ING5: variants seen among roughly 807,000 people sequenced by gnomAD.
ING5 encodes the protein inhibitor of growth family member 5.
Under a neutral mutation model 37.4 loss-of-function variants are expected in ING5, and 17 were observed. That is an observed-to-expected ratio of 0.45 (90% CI 0.31 to 0.68). The LOEUF (loss-of-function observed/expected upper bound fraction) is 0.68, where lower values mean the gene tolerates loss of function less well. Ranked by LOEUF, ING5 falls within the 30% of genes least tolerant of loss-of-function variation. ING5 has a pLI of 0.05. For missense variants in ING5, 233 were observed against 311.9 expected (o/e 0.75, Z 1.91); for synonymous variants, 123 against 116.6 (o/e 1.06, Z -0.36).
chr2:241,721,760 A>T (rs983270201), intron 5 of ING5: 15 of 985,326 alleles, frequency 1.5e-5, no homozygotes, highest in Non-Finnish European at 1.7e-5. Context: ...GCAGCTTGTA[A>T]GTTTATTTGA....
At chr2:241,715,592 C>T (rs751637615) in intron 5 of ING5, among the ~76,000 whole-genome samples, 5 of 145,860 alleles carry the variant, frequency 3.4e-5, no homozygotes, top group Non-Finnish European at 5.9e-5. Context: ...AAGCAATTCT[C>T]TTGCCTCAGC....
At chr2:241,705,837 A>T (rs1575123971) in intron 2 of ING5, among the ~76,000 whole-genome samples, 1 of 152,218 alleles carries the variant, frequency 6.6e-6, no homozygotes, top group Admixed American at 6.5e-5. Context: ...ACACCCTCAC[A>T]TGCCCTCACC....
At chr2:241,693,779 T>C (rs1254488323) in intron 2 of ING5, among the ~76,000 whole-genome samples, 1 of 144,730 alleles carries the variant, frequency 6.9e-6, no homozygotes, top group Non-Finnish European at 1.5e-5. Context: ...TGCCTCAGCC[T>C]CCCGAGTAGC....
intron 2 of ING5, among the ~76,000 whole-genome samples, chr2:241,708,060 G>T (rs1291009102): frequency 2.0e-5 from 3 of 152,092 alleles, no homozygotes; most frequent in African/African-American, 7.2e-5. Context: ...ACCATGCCCA[G>T]CTAATTGTTG....
In ING5 at chr2:241,725,111, A is replaced by T. The variant is rs577036249; in HGVS notation, c.*80A>T. 56 of 1,460,634 alleles carry T rather than the reference A, an allele frequency of 3.8e-5. No homozygotes were observed. The East Asian group carries it at 1.3e-3, about 33-fold the overall frequency. The allele number at this position is 1,460,634 out of a possible 1,614,324, so 90.5% of individuals were successfully genotyped here. A position where few individuals can be genotyped will look rare whatever the true frequency, so the allele number is the denominator to read the frequency against. On this transcript the variant is annotated 3_prime_UTR_variant, in exon 8 of 8. Coordinates refer to ENST00000313552, the MANE Select transcript of ING5 (RefSeq NM_032329.6). ...TCGCAATATTTCCCTTCCTTTTAAA[A>T]CTACCTTGTTCGGTTGATACTTAGT...
intron 2 of ING5, among the ~76,000 whole-genome samples, chr2:241,693,052 A>T (rs2069577891): frequency 6.6e-6 from 1 of 151,962 alleles, no homozygotes; most frequent in Non-Finnish European, 1.5e-5. Context: ...CGAGATCAGG[A>T]GCTCGAGACC....
intron 3 of ING5, among the ~76,000 whole-genome samples, chr2:241,710,906 C>T (rs1421151440): frequency 6.6e-6 from 1 of 151,964 alleles, no homozygotes; most frequent in African/African-American, 2.4e-5. Context: ...AGCCACCGCG[C>T]CTGCCCTAAT....
At chr2:241,696,338 C>T (rs2069629762) in intron 2 of ING5, among the ~76,000 whole-genome samples, 2 of 152,064 alleles carry the variant, frequency 1.3e-5, no homozygotes, top group African/African-American at 4.8e-5. Context: ...TTGCAACAAG[C>T]CGGGATCTCG....
At chr2:241,705,079 G>A (rs111713736) in intron 2 of ING5, among the ~76,000 whole-genome samples, 12,033 of 151,940 alleles carry the variant, frequency 0.079, 1,187 homozygotes, top group African/African-American at 0.23. Context: ...ATTTAACTCC[G>A]TTTCTTTTTT....
exon 2 of ING5, chr2:241,690,114 G>A (rs34343771): frequency 0.63 from 95,407 of 152,036 alleles, 30,139 homozygotes; most frequent in African/African-American, 0.69. Context: ...CCCCTGGGAC[G>A]GGGGAGGAGG....
At position 241,707,158 on chromosome 2, in the gene ING5, C is replaced by T. The variant is rs562955188; in HGVS notation, c.110-2058C>T. Among the ~76,000 whole-genome samples the T allele has an allele frequency of 1.3e-3, 194 of 151,260 alleles. 2 individuals carry two copies. Among genetic ancestry groups the T allele is most frequent in the African/African-American group, 4.4e-3 (182 of 41,220 alleles). ...ATTTTTAATAGAGATGGGGTTTCTC[C>T]ATGTTGATCAGGTTGGTCTCAAACT... On this transcript the variant is annotated intron_variant, in intron 2 of 7. Coordinates refer to ENST00000313552, the MANE Select transcript of ING5 (RefSeq NM_032329.6).
At chr2:241,697,637 T>C (rs1489633120), upstream of ING5, among the ~76,000 whole-genome samples, 1 of 150,774 alleles carries the variant, frequency 6.6e-6, no homozygotes, top group Non-Finnish European at 1.5e-5. Context: ...AAAAGCAAAC[T>C]GGAAACAGTA....
intron 7 of ING5, chr2:241,723,879 G>A: frequency 6.9e-7 from 1 of 1,450,408 alleles, no homozygotes; most frequent in African/African-American, 1.4e-5. Context: ...GCGTGGTGGT[G>A]CGTGCCTGTG....
At chr2:241,712,464 G>C (rs953050000) in intron 5 of ING5, 4 of 171,556 alleles carry the variant, frequency 2.3e-5, no homozygotes, top group African/African-American at 9.5e-5. Context: ...CTGTATATCT[G>C]TCAGTTATTT....
At chr2:241,722,338 G>A (rs774430466) in intron 5 of ING5, 697 of 985,400 alleles carry the variant, frequency 7.1e-4, no homozygotes, top group Middle Eastern at 3.1e-3. Flanking sequence ...GTCCCCGGGG[G>A]AGTCCTGTCT....
intron 7 of ING5, among the ~76,000 whole-genome samples, chr2:241,724,438 C>T (rs1225148826): frequency 2.0e-5 from 3 of 151,982 alleles, no homozygotes; most frequent in Non-Finnish European, 2.9e-5. Flanking sequence ...TGCCGTCATG[C>T]GAGTCGGCTG....
At chr2:241,690,394 A>G (rs1249871541) in exon 2 of ING5, 1 of 387,604 alleles carries the variant, frequency 2.6e-6, no homozygotes, top group Non-Finnish European at 4.6e-6. Context: ...TTAGGCAGGC[A>G]GGAGCTGCTC....
At chr2:241,721,177 G>A (rs2070425637) in intron 5 of ING5, 5 of 985,598 alleles carry the variant, frequency 5.1e-6, no homozygotes, top group African/African-American at 1.7e-5. Flanking sequence ...CGAGGAGACC[G>A]CAGGAGCCCC....
At position 241,729,353 on chromosome 2, in the gene ING5, TTGTAAAGGAAAGA is replaced by T. The variant is rs1446249269; in HGVS notation, c.*4324_*4336del. On this transcript the variant is annotated 3_prime_UTR_variant, in exon 8 of 8. Transcript: ENST00000313552. ...CAAGGAATTATTATCTATGTTCCCT[TTGTAAAGGAAAGA>T]TAATGTTGTAAATCTTTTTATTAGA... 1.3e-5 allele frequency: 2 copies of T among 152,664 alleles called. No homozygotes were observed. The highest frequency in any genetic ancestry group is 6.5e-5 in the Admixed American group (1 of 15,282). The allele number at this position is 152,664 out of a possible 1,614,324, so 9.5% of individuals were successfully genotyped here.
Sources: gnomAD v4.1 joint callset for allele counts (sites outside exome capture counted in the v4.1 genomes callset) on GRCh38, gnomAD v4.1.1 for gene constraint, MANE v1.5 for transcripts, NCBI Gene and HGNC (gene_info 2026-07-23, HGNC 2026-07-21) for gene names.